CTNND2: variants seen among roughly 807,000 people sequenced by gnomAD.
CTNND2 encodes the protein catenin delta-2.
A neutral mutation model predicts 144.4 loss-of-function variants in CTNND2; 22 were observed. That is an observed-to-expected ratio of 0.15 (90% CI 0.11 to 0.22). The LOEUF is 0.22. Among genes scored for constraint, CTNND2 ranks in the 10% least tolerant of loss-of-function variants. CTNND2 has a pLI of 1.00. For synonymous variants in CTNND2, 751 were observed against 695.6 expected, an observed-to-expected ratio of 1.08 and a Z score of -1.25; for missense variants, 1,353 against 1,618.8, an observed-to-expected ratio of 0.84 and a Z score of 2.82.
intron 2 of CTNND2, among the ~76,000 whole-genome samples, chr5:11,619,798 T>A (rs1419529144): frequency 5.9e-5 from 9 of 152,040 alleles, no homozygotes; most frequent in Admixed American, 5.9e-4. Flanking sequence ...CCAGCTAGAG[T>A]CGTAACCCTT....
chr5:11,304,318 C>CCA (rs111918321), intron 9 of CTNND2, among the ~76,000 whole-genome samples: 6,888 of 148,318 alleles, frequency 0.046, 142 homozygotes, highest in African/African-American at 0.054. Flanking sequence ...CACGGACACA[C>CCA]CACACACACA....
intron 1 of CTNND2, among the ~76,000 whole-genome samples, chr5:11,899,171 T>C (rs1737656541): frequency 6.6e-6 from 1 of 152,244 alleles, no homozygotes. Context: ...GTTTAAGGTT[T>C]CTTTTTTCTC....
intron 12 of CTNND2, among the ~76,000 whole-genome samples, chr5:11,125,233 T>C (rs1048744603): frequency 2.0e-5 from 3 of 152,160 alleles, no homozygotes; most frequent in Non-Finnish European, 2.9e-5. Flanking sequence ...CCTCTCTCTC[T>C]AGGTGCAGAG....
At chr5:11,781,289 G>C (rs531435789) in intron 1 of CTNND2, among the ~76,000 whole-genome samples, 11 of 152,206 alleles carry the variant, frequency 7.2e-5, no homozygotes, top group Non-Finnish European at 1.5e-4. Context: ...AAAAAATAAA[G>C]CTTATGCCTT....
At chr5:11,382,593 CTCTGTGTG>C (rs1252760893) in intron 7 of CTNND2, among the ~76,000 whole-genome samples, 2 of 55,870 alleles carry the variant, frequency 3.6e-5, no homozygotes, top group African/African-American at 6.4e-5. Context: ...CAGAGTGAGA[CTCTGTGTG>C]TGTGTGTGTG....
chr5:11,252,913 CTCCCCTCTAAA>C, intron 9 of CTNND2, among the ~76,000 whole-genome samples: 1 of 152,318 alleles, frequency 6.6e-6, no homozygotes, highest in African/African-American at 2.4e-5. Context: ...TGATTGCCTT[CTCCCCTCTAAA>C]TCAAGAGTTG....
chr5:11,280,199 A>G (rs1162883203), intron 9 of CTNND2, among the ~76,000 whole-genome samples: 1 of 152,228 alleles, frequency 6.6e-6, no homozygotes, highest in Non-Finnish European at 1.5e-5. Context: ...TTTAAAATCC[A>G]GCAACATTTT....
intron 11 of CTNND2, among the ~76,000 whole-genome samples, chr5:11,166,249 CTTTT>C (rs11400471): frequency 7.9e-6 from 1 of 125,866 alleles, no homozygotes. Context: ...CAAAAAAGTT[CTTTT>C]TTTTTTTTTT....
At chr5:11,405,440 G>A (rs1182572869) in intron 5 of CTNND2, among the ~76,000 whole-genome samples, 3 of 152,098 alleles carry the variant, frequency 2.0e-5, no homozygotes, top group African/African-American at 4.8e-5. Context: ...AAATTAGGCC[G>A]GAGCAGTGGC....
rs1429176268 is a variant in CTNND2, at chr5:11,220,818, A to G, written c.1761+15873T>C. Among the ~76,000 whole-genome samples, 3 of 152,198 alleles carry G rather than the reference A, an allele frequency of 2.0e-5. 1 individual carries two copies. The highest frequency in any genetic ancestry group is 7.2e-5 in the African/African-American group (3 of 41,442). On this transcript the variant is annotated intron_variant, in intron 10 of 21. Transcript: ENST00000304623. ...TGTGGGCCTAATCTCCTAATATATC[A>G]CACCGTTTCCAGGGGACATACATTT...
At chr5:11,522,406 C>A (rs985153500) in intron 3 of CTNND2, among the ~76,000 whole-genome samples, 1 of 152,118 alleles carries the variant, frequency 6.6e-6, no homozygotes, top group East Asian at 1.9e-4. Context: ...AGCTGTAAAA[C>A]CCTAAGTTTC....
chr5:11,339,660 T>C (rs1303100787), intron 9 of CTNND2, among the ~76,000 whole-genome samples: 2 of 152,080 alleles, frequency 1.3e-5, no homozygotes, highest in African/African-American at 4.8e-5. Context: ...GAGGTGGAGA[T>C]GTTGGGAGGT....
chr5:11,251,612 T>C (rs1301538035), intron 9 of CTNND2, among the ~76,000 whole-genome samples: 1 of 152,200 alleles, frequency 6.6e-6, no homozygotes, highest in East Asian at 1.9e-4. Context: ...TGGGACACCT[T>C]GGCATATAGT....
In CTNND2 at chr5:11,333,439, T is replaced by G. The variant is rs183513648; in HGVS notation, c.1628+12933A>C. Among the ~76,000 whole-genome samples, 4 of 152,256 alleles carry G rather than the reference T, an allele frequency of 2.6e-5. No individual in the cohort carries two copies. The East Asian group carries it at 7.7e-4, about 29-fold the overall frequency. ...CCACCACACCCAGCTAATTTTTGTA[T>G]TATTCTGTAGAGACAGGGTTTTGCC... On this transcript the variant is annotated intron_variant, in intron 9 of 21. Transcript: ENST00000304623.
intron 12 of CTNND2, among the ~76,000 whole-genome samples, chr5:11,127,355 A>G (rs1259287935): frequency 1.3e-5 from 2 of 152,172 alleles, no homozygotes; most frequent in African/African-American, 4.8e-5. Context: ...TTGTAGTTCC[A>G]CGGCAGGTGG....
chr5:11,527,916 G>A (rs766426790), intron 3 of CTNND2, among the ~76,000 whole-genome samples: 9 of 152,200 alleles, frequency 5.9e-5, no homozygotes, highest in Middle Eastern at 3.4e-3. Context: ...ACTTGGGTAC[G>A]GCGCTGCATT....
chr5:11,251,032 A>G (rs889549111), intron 9 of CTNND2, among the ~76,000 whole-genome samples: 1 of 147,104 alleles, frequency 6.8e-6, no homozygotes, highest in Non-Finnish European at 1.6e-5. Context: ...AGCCACTAGG[A>G]AAAAAAAGAA....
intron 6 of CTNND2, 130 bp downstream of exon 6, chr5:11,396,901 T>G: frequency 6.3e-6 from 5 of 790,194 alleles, no homozygotes; most frequent in Non-Finnish European, 1.0e-5. Context: ...AAAGGGCATT[T>G]TCCCTCAAGT....
intron 2 of CTNND2, among the ~76,000 whole-genome samples, chr5:11,596,070 A>G (rs3852169): frequency 0.2 from 30,024 of 152,206 alleles, 3,354 homozygotes; most frequent in Non-Finnish European, 0.25. Context: ...AAAATTTTCA[A>G]TTAACAAATT....
Sources: gnomAD v4.1 joint callset for allele counts (sites outside exome capture counted in the v4.1 genomes callset) on GRCh38, gnomAD v4.1.1 for gene constraint, MANE v1.5 for transcripts, NCBI Gene and HGNC (gene_info 2026-07-23, HGNC 2026-07-21) for gene names.